The following MEGF11 variants were observed in gnomAD, a reference collection of about 807,000 sequenced individuals.
MEGF11 encodes the protein multiple epidermal growth factor-like domains protein 11.
A neutral mutation model predicts 146.6 loss-of-function variants in MEGF11; 126 were observed. The observed-to-expected ratio is 0.86, with a 90% confidence interval of 0.74 to 1.00. The LOEUF (loss-of-function observed/expected upper bound fraction) is 1.00, where lower values mean the gene tolerates loss of function less well. MEGF11 is among the 50% of genes least tolerant of loss of function. The probability of loss-of-function intolerance (pLI) is 0.00; values close to 1 mark genes in which losing one functional copy is unlikely to be tolerated. For missense variants in MEGF11, 1,509 were observed against 1,521.2 expected (o/e 0.99, Z 0.13); for synonymous variants, 532 against 583.4 (o/e 0.91, Z 1.27).
At position 66,008,411 on chromosome 15, in the gene MEGF11, G is replaced by GCACACACA. The variant is rs995843726; in HGVS notation, c.395-25931_395-25924dup. The stretch of plus-strand genomic sequence containing the variant: ...GAAACACACATGCACACGCGCGCGC[G>GCACACACA]CACACACACACACACACACACACAC... On this transcript the variant is annotated intron_variant, in intron 5 of 25. Coordinates refer to ENST00000395614, the MANE Select transcript of MEGF11 (RefSeq NM_001385028.1). 2.7e-3 allele frequency among the ~76,000 whole-genome samples: 142 copies of GCACACACA among 52,094 alleles called. 1 individual carries two copies. The highest frequency in any genetic ancestry group is 6.7e-3 in the African/African-American group (139 of 20,600). The allele number at this position is 52,094 out of a possible 152,430, so 34.2% of individuals were successfully genotyped here. A position where few individuals can be genotyped will look rare whatever the true frequency, so the allele number is the denominator to read the frequency against.
At chr15:65,935,164 A>G (rs1009850784) in intron 10 of MEGF11, among the ~76,000 whole-genome samples, 1 of 151,574 alleles carries the variant, frequency 6.6e-6, no homozygotes, top group African/African-American at 2.4e-5. Context: ...ACTAAAATAC[A>G]AAAAAATTAG....
chr15:66,088,372 G>A (rs781197270), intron 5 of MEGF11, among the ~76,000 whole-genome samples: 7 of 152,182 alleles, frequency 4.6e-5, no homozygotes, highest in Non-Finnish European at 7.3e-5. Flanking sequence ...AACCAAATGA[G>A]GGGGCTGGGC....
At chr15:66,100,410 C>G (rs1056417408) in intron 4 of MEGF11, among the ~76,000 whole-genome samples, 1 of 152,198 alleles carries the variant, frequency 6.6e-6, no homozygotes, top group Admixed American at 6.5e-5. Context: ...AAGGGCCGCA[C>G]TTCAATTCCC....
intron 9 of MEGF11, among the ~76,000 whole-genome samples, chr15:65,962,365 C>T (rs1181958911): frequency 6.6e-6 from 1 of 152,156 alleles, no homozygotes; most frequent in Non-Finnish European, 1.5e-5. Context: ...CCGGCAATGT[C>T]TGGAAACATT....
intron 5 of MEGF11, among the ~76,000 whole-genome samples, chr15:66,076,142 T>C (rs1023508456): frequency 1.3e-5 from 2 of 152,226 alleles, no homozygotes; most frequent in East Asian, 3.9e-4. Context: ...GACAGAGTGA[T>C]GGACAGATGG....
chr15:66,207,463 T>C (rs2091329261), intron 1 of MEGF11, among the ~76,000 whole-genome samples: 1 of 152,130 alleles, frequency 6.6e-6, no homozygotes, highest in African/African-American at 2.4e-5. Context: ...AAAACTACTA[T>C]ACAAAAATGA....
chr15:65,975,330 C>T (rs575669916), intron 7 of MEGF11, among the ~76,000 whole-genome samples: 164 of 152,318 alleles, frequency 1.1e-3, no homozygotes, highest in Non-Finnish European at 1.9e-3. Context: ...TTCTCAGACA[C>T]AACCAGTGCT....
chr15:66,108,267 A>G (rs138108220), intron 4 of MEGF11, among the ~76,000 whole-genome samples: 136 of 152,338 alleles, frequency 8.9e-4, no homozygotes, highest in African/African-American at 3.0e-3. Context: ...AGAAAATGCC[A>G]GAAACCACAG....
At chr15:66,240,697 G>T (rs2092192738) in intron 1 of MEGF11, among the ~76,000 whole-genome samples, 3 of 152,204 alleles carry the variant, frequency 2.0e-5, no homozygotes, top group Admixed American at 6.5e-5. Flanking sequence ...GCTCAGACAG[G>T]TTAGGTAGCT....
At chr15:65,993,255 AG>A (rs2082109073) in intron 5 of MEGF11, among the ~76,000 whole-genome samples, 2 of 152,168 alleles carry the variant, frequency 1.3e-5, no homozygotes, top group African/African-American at 4.8e-5. Context: ...TACAGCAATG[AG>A]GTCTATGAGG....
chr15:66,016,637 G>A (rs59459226), intron 5 of MEGF11, among the ~76,000 whole-genome samples: 4,541 of 152,188 alleles, frequency 0.03, 205 homozygotes, highest in African/African-American at 0.1. Flanking sequence ...GCTGACAGCT[G>A]AATATCACCT....
At chr15:66,231,940 C>G (rs954821054) in intron 1 of MEGF11, among the ~76,000 whole-genome samples, 1 of 152,192 alleles carries the variant, frequency 6.6e-6, no homozygotes, top group South Asian at 2.1e-4. Context: ...CACTTCCAAT[C>G]CCCCCAACAA....
chr15:66,176,807 T>G (rs1376484239), intron 1 of MEGF11, among the ~76,000 whole-genome samples: 1 of 152,172 alleles, frequency 6.6e-6, no homozygotes, highest in Non-Finnish European at 1.5e-5. Flanking sequence ...GACCACAGGA[T>G]AGGGGTTCTG....
At chr15:66,237,240 G>A (rs1046709657) in intron 1 of MEGF11, among the ~76,000 whole-genome samples, 14 of 152,094 alleles carry the variant, frequency 9.2e-5, no homozygotes, top group Non-Finnish European at 1.9e-4. Context: ...CTGGAGTGTG[G>A]TTTCTTCTCA....
chr15:66,197,434 G>A (rs571913606), intron 1 of MEGF11, among the ~76,000 whole-genome samples: 113 of 151,850 alleles, frequency 7.4e-4, no homozygotes, highest in African/African-American at 2.7e-3. Flanking sequence ...TTTGTTTTTT[G>A]TTTTTTTGAG....
At chr15:66,096,766 C>T (rs973323722) in intron 4 of MEGF11, among the ~76,000 whole-genome samples, 1 of 152,158 alleles carries the variant, frequency 6.6e-6, no homozygotes, top group Admixed American at 6.5e-5. Flanking sequence ...CCCCTGCTCC[C>T]GATCCTAGAG....
At position 66,128,363 on chromosome 15, in the gene MEGF11, A is replaced by G; in HGVS notation, c.41T>C (p.Leu14Pro). The G allele has an allele frequency of 1.3e-6, 2 of 1,524,786 alleles. No individual in the cohort carries two copies. The highest frequency in any genetic ancestry group is 2.1e-5 in the Admixed American group (1 of 47,480). The allele number at this position is 1,524,786 out of a possible 1,614,324, so 94.5% of individuals were successfully genotyped here. The change falls in exon 2 of 26, where the codon CTG (leucine) becomes CCG (proline). Residue 14 changes from leucine to proline, a missense_variant. Physicochemically the swap from Leu to Pro is moderately conservative, Grantham distance 98 (BLOSUM62 -3). Coordinates refer to ENST00000395614, the MANE Select transcript of MEGF11 (RefSeq NM_001385028.1). The stretch of plus-strand genomic sequence containing the variant: ...GGGGTTCAGGGCAAGGGTGGCTTGC[A>G]GGAAGGAGAAGGCAATGAGCCCCGT... ...SLTGLIAFSFLQATLALNPED... is the reference protein window; with the variant it reads ...SLTGLIAFSFPQATLALNPED...
At chr15:65,932,537 T>TGG (rs1196010630) in intron 10 of MEGF11, among the ~76,000 whole-genome samples, 1 of 150,210 alleles carries the variant, frequency 6.7e-6, no homozygotes, top group Admixed American at 6.6e-5. Context: ...CAGAGAAGAG[T>TGG]GGGGTAAAGG....
intron 5 of MEGF11, among the ~76,000 whole-genome samples, chr15:66,054,938 A>G (rs1480965280): frequency 1.3e-5 from 2 of 152,238 alleles, no homozygotes; most frequent in Non-Finnish European, 2.9e-5. Flanking sequence ...ATATGTCTAC[A>G]TCTCAAGATT....
Sources: gnomAD v4.1 joint callset for allele counts (sites outside exome capture counted in the v4.1 genomes callset) on GRCh38, gnomAD v4.1.1 for gene constraint, MANE v1.5 for transcripts, NCBI Gene and HGNC (gene_info 2026-07-23, HGNC 2026-07-21) for gene names.